CDON: variants seen among roughly 807,000 people sequenced by gnomAD.
CDON encodes cell adhesion associated, oncogene regulated.
A neutral mutation model predicts 120.9 loss-of-function variants in CDON; 73 were observed. The observed-to-expected ratio is 0.60, with a 90% confidence interval of 0.50 to 0.73. CDON has a LOEUF of 0.73. CDON is among the 30% of genes least tolerant of loss of function. CDON has a pLI of 0.00. For synonymous variants in CDON, 566 were observed against 573.5 expected, an observed-to-expected ratio of 0.99 and a Z score of 0.19; for missense variants, 1,470 against 1,587.3, an observed-to-expected ratio of 0.93 and a Z score of 1.26.
chr11:125,989,554 A>G (rs1946568244), intron 15 of CDON, 83 bp downstream of exon 15: 2 of 1,358,024 alleles, frequency 1.5e-6, no homozygotes, highest in Non-Finnish European at 2.1e-6. Flanking sequence ...ACAAAACAAA[A>G]CCCAGAATAT....
intron 7 of CDON, among the ~76,000 whole-genome samples, chr11:126,012,732 G>C (rs1230066771): frequency 6.6e-6 from 1 of 151,978 alleles, no homozygotes; most frequent in Non-Finnish European, 1.5e-5. Context: ...TTTGTTCATT[G>C]GTCTTCATCC....
At chr11:126,028,450 G>A (rs989892308) in intron 1 of CDON, among the ~76,000 whole-genome samples, 2 of 151,834 alleles carry the variant, frequency 1.3e-5, no homozygotes, top group African/African-American at 4.8e-5. Flanking sequence ...TGCAGCCTCC[G>A]CCTCCCAGGT....
intron 15 of CDON, among the ~76,000 whole-genome samples, chr11:125,986,257 C>T (rs951367193): frequency 5.9e-5 from 9 of 151,860 alleles, no homozygotes; most frequent in African/African-American, 1.9e-4. Context: ...TGAGAACCCT[C>T]GGACACAGGG....
chr11:126,024,451 C>T (rs73021218), intron 1 of CDON, among the ~76,000 whole-genome samples: 2 of 152,150 alleles, frequency 1.3e-5, no homozygotes, highest in African/African-American at 4.8e-5. Context: ...GTCGACCCAA[C>T]AGGACATGTC....
At chr11:125,990,693 A>T (rs764784590) in intron 14 of CDON, among the ~76,000 whole-genome samples, 8 of 152,208 alleles carry the variant, frequency 5.3e-5, no homozygotes, top group Non-Finnish European at 8.8e-5. Flanking sequence ...ATGCAAGTTA[A>T]ATCTACTTGG....
intron 1 of CDON, among the ~76,000 whole-genome samples, chr11:126,027,748 T>C (rs1364720033): frequency 6.6e-6 from 1 of 152,212 alleles, no homozygotes; most frequent in Non-Finnish European, 1.5e-5. Context: ...TCCTTATCTT[T>C]TCTTTCAATC....
chr11:126,052,288 GATCT>G (rs1423422177), intron 1 of CDON, among the ~76,000 whole-genome samples: 2 of 152,074 alleles, frequency 1.3e-5, no homozygotes, highest in African/African-American at 2.4e-5. Flanking sequence ...GTAGAAATCT[GATCT>G]ATTTACTTTT....
chr11:125,964,280 C>T (rs981400340), intron 18 of CDON, among the ~76,000 whole-genome samples: 2 of 152,210 alleles, frequency 1.3e-5, no homozygotes, highest in African/African-American at 4.8e-5. Flanking sequence ...CTAACCTTAT[C>T]TGAAAGAACC....
At chr11:126,015,941 G>C (rs1947455498) in intron 6 of CDON, among the ~76,000 whole-genome samples, 1 of 152,200 alleles carries the variant, frequency 6.6e-6, no homozygotes, top group Non-Finnish European at 1.5e-5. Flanking sequence ...ATTCAACTTT[G>C]AGGTTAGATG....
rs777466457 is a variant in CDON, at chr11:126,005,831, C to T, written c.1779G>A (p.Thr593=). Residue 593 remains threonine, a synonymous_variant, in exon 9 of 20, where the codon ACG becomes ACA. Coordinates refer to ENST00000531738, the MANE Select transcript of CDON (RefSeq NM_001378964.1). ...TGCCTGCCCTCCACACCAGGTTGTA[C>T]GTGTCTGGTGTGTGGGTCTGTGGGG... ...LSPPQTHTPD[T]YNLVWRAGKD... 4.8e-5 allele frequency: 77 copies of T among 1,613,974 alleles called. No homozygotes were observed. Among genetic ancestry groups the T allele is most frequent in the Non-Finnish European group, 6.4e-5 (76 of 1,179,910 alleles).
At chr11:125,975,384 T>C (rs1946123500) in intron 18 of CDON, among the ~76,000 whole-genome samples, 2 of 152,352 alleles carry the variant, frequency 1.3e-5, no homozygotes, top group African/African-American at 4.8e-5. Flanking sequence ...TAAAAGGCCT[T>C]GTTTATTAAA....
intron 7 of CDON, among the ~76,000 whole-genome samples, chr11:126,011,544 T>A (rs1403158285): frequency 6.6e-6 from 1 of 152,242 alleles, no homozygotes; most frequent in Non-Finnish European, 1.5e-5. Context: ...CTCTGTGAAA[T>A]GCCTTTGTCA....
intron 7 of CDON, among the ~76,000 whole-genome samples, chr11:126,012,994 T>A (rs1947350495): frequency 6.6e-6 from 1 of 152,226 alleles, no homozygotes; most frequent in Admixed American, 6.5e-5. Flanking sequence ...ATGCAATGTT[T>A]CCTGTAAGTC....
intron 1 of CDON, among the ~76,000 whole-genome samples, chr11:126,051,450 A>C (rs1277695773): frequency 6.6e-6 from 1 of 152,138 alleles, no homozygotes; most frequent in Non-Finnish European, 1.5e-5. Flanking sequence ...TTTGGGAGTT[A>C]GCTACAAGAC....
In CDON at chr11:125,959,786, G is replaced by C. The variant is rs1945590152; in HGVS notation, c.*1156C>G. On this transcript the variant is annotated 3_prime_UTR_variant, in exon 20 of 20. Transcript: ENST00000531738. ...CAACAGACTGGAGAGCTCCCGCCAA[G>C]ACAGGCTCCCTGCAGCCCTCCCCTT... 1 of 152,142 alleles carries C rather than the reference G, an allele frequency of 6.6e-6. No homozygotes were observed. The highest frequency in any genetic ancestry group is 6.5e-5 in the Admixed American group (1 of 15,280). The allele number at this position is 152,142 out of a possible 1,614,324, so 9.4% of individuals were successfully genotyped here.
intron 18 of CDON, among the ~76,000 whole-genome samples, chr11:125,971,639 G>T (rs1051796391): frequency 2.0e-5 from 3 of 152,176 alleles, no homozygotes; most frequent in East Asian, 3.9e-4. Flanking sequence ...CATGTAATTT[G>T]TACTTTTTTT....
intron 15 of CDON, among the ~76,000 whole-genome samples, chr11:125,988,579 C>T (rs575292377): frequency 1.3e-5 from 2 of 152,234 alleles, no homozygotes; most frequent in South Asian, 4.1e-4. Flanking sequence ...CTGTTGAAGC[C>T]TACTGAGAGG....
At chr11:126,042,902 C>T (rs886167087) in intron 1 of CDON, among the ~76,000 whole-genome samples, 2 of 152,176 alleles carry the variant, frequency 1.3e-5, no homozygotes, top group Admixed American at 6.5e-5. Context: ...GGATTACAGG[C>T]GTGAGCCACC....
chr11:125,960,877 C>T lies in CDON; in HGVS notation c.*65G>A. On this transcript the variant is annotated 3_prime_UTR_variant, in exon 20 of 20. Transcript: ENST00000531738. ...GAATTAAGGTCCTTCACACAGTTCG[C>T]TCCCAGGCCTGTTGTGTGCAGTTAC... The T allele has an allele frequency of 6.8e-7, 1 of 1,469,296 alleles. No individual in the cohort carries two copies. The highest frequency in any genetic ancestry group is 9.5e-7 in the Non-Finnish European group (1 of 1,049,360). The allele number at this position is 1,469,296 out of a possible 1,614,324, so 91.0% of individuals were successfully genotyped here.
Sources: gnomAD v4.1 joint callset for allele counts (sites outside exome capture counted in the v4.1 genomes callset) on GRCh38, gnomAD v4.1.1 for gene constraint, MANE v1.5 for transcripts, NCBI Gene and HGNC (gene_info 2026-07-23, HGNC 2026-07-21) for gene names.